JAK1: variants seen among roughly 807,000 people sequenced by gnomAD.
JAK1 encodes the protein Janus kinase 1, also known as tyrosine-protein kinase JAK1.
JAK1 carries 16 observed loss-of-function variants against 136.6 expected under a neutral mutation model. The ratio of observed to expected loss-of-function variants is 0.12; its 90% confidence interval spans 0.08 to 0.18. The LOEUF is 0.18. Ranked by LOEUF, JAK1 falls within the 10% of genes least tolerant of loss-of-function variation. The pLI, the probability that JAK1 is intolerant of heterozygous loss-of-function variation, is 1.00. For synonymous variants in JAK1, 492 were observed against 519.5 expected, an observed-to-expected ratio of 0.95 and a Z score of 0.72; for missense variants, 859 against 1,450.1, an observed-to-expected ratio of 0.59 and a Z score of 6.62.
In JAK1 at chr1:64,977,453, T is replaced by C. The variant is rs573016394; in HGVS notation, c.-78+67027A>G. 2.1e-5 allele frequency among the ~76,000 whole-genome samples: 3 copies of C among 141,738 alleles called. No homozygotes were observed. In the South Asian group the frequency reaches 6.5e-4, roughly 31 times the overall value. The allele number at this position is 141,738 out of a possible 152,430, so 93.0% of individuals were successfully genotyped here. Reference sequence around the variant, plus strand: ...AGGCATGAGCCACTGCACCCAGCCATCTTTTTTTTTTTTTTTAGATGGAGT... The same window carrying C: ...AGGCATGAGCCACTGCACCCAGCCACCTTTTTTTTTTTTTTTAGATGGAGT... On this transcript the variant is annotated intron_variant, in intron 2 of 25. Transcript: ENST00000671954.
intron 1 of JAK1, among the ~76,000 whole-genome samples, chr1:64,888,625 C>A (rs1202096730): frequency 1.3e-5 from 2 of 152,140 alleles, no homozygotes; most frequent in African/African-American, 2.4e-5. Context: ...TCTACAAAAA[C>A]CAGTAATCAA....
intron 1 of JAK1, among the ~76,000 whole-genome samples, chr1:64,940,655 A>C (rs1351911315): frequency 5.3e-5 from 8 of 152,176 alleles, no homozygotes; most frequent in Non-Finnish European, 1.5e-5. Flanking sequence ...AATGAGGTTA[A>C]GACGGGTTTA....
chr1:65,037,002 A>G (rs1647080560), intron 2 of JAK1, among the ~76,000 whole-genome samples: 1 of 152,186 alleles, frequency 6.6e-6, no homozygotes. Flanking sequence ...CCTGGTTAAC[A>G]TTGCAAGACC....
At chr1:64,923,882 T>C (rs1415507564) in intron 1 of JAK1, among the ~76,000 whole-genome samples, 2 of 152,164 alleles carry the variant, frequency 1.3e-5, no homozygotes, top group Non-Finnish European at 1.5e-5. Flanking sequence ...GCTCTCCCTT[T>C]ACTACCCTGA....
chr1:64,947,693 G>A (rs1557716022), intron 1 of JAK1, among the ~76,000 whole-genome samples: 1 of 151,580 alleles, frequency 6.6e-6, no homozygotes, highest in African/African-American at 2.4e-5. Flanking sequence ...TGAACAACAG[G>A]TCCCTGAACA....
At chr1:65,030,645 G>C (rs993566161) in intron 2 of JAK1, among the ~76,000 whole-genome samples, 1 of 151,838 alleles carries the variant, frequency 6.6e-6, no homozygotes, top group African/African-American at 2.4e-5. Flanking sequence ...TGATTCTCCT[G>C]CCTCAGCCTC....
In JAK1 at chr1:64,838,082, C is replaced by T. The variant is rs1427072320; in HGVS notation, c.2990G>A (p.Arg997Gln). 4.3e-6 allele frequency: 7 copies of T among 1,613,864 alleles called. No homozygotes were observed. The highest frequency in any genetic ancestry group is 1.3e-5 in the African/African-American group (1 of 74,888). The change falls in exon 22 of 25, where the codon CGG (arginine) becomes CAG (glutamine). Residue 997 changes from arginine to glutamine, a missense_variant. Arg to Gln is a conservative substitution (Grantham distance 43, BLOSUM62 1). Transcript: ENST00000342505. The part of the protein sequence containing the change: ...ICKGMDYLGS[R>Q]QYVHRDLAAR... ...TGCCAAGTCCCGGTGAACGTATTGC[C>T]GAGAACCCAAATAGTCCATCCCCTG...
At chr1:64,860,412 TTGCA>T (rs200014012) in intron 8 of JAK1, 150 bp from the exon 9 acceptor site, 40,087 of 221,686 alleles carry the variant, frequency 0.18, 5,048 homozygotes, top group African/African-American at 0.38. Context: ...AATATACCCC[TTGCA>T]TGCATTTATT....
intron 2 of JAK1, chr1:64,985,263 A>T (rs1317079578): frequency 2.5e-6 from 4 of 1,607,618 alleles, no homozygotes; most frequent in Non-Finnish European, 3.4e-6. Context: ...CTGCTGAGAG[A>T]GCTGGAGCAT....
At chr1:65,044,427 G>A (rs950372167) in intron 2 of JAK1, among the ~76,000 whole-genome samples, 16 of 152,202 alleles carry the variant, frequency 1.1e-4, no homozygotes, top group Admixed American at 1.0e-3. Flanking sequence ...AGTAAATGAA[G>A]TTGCAAGTTT....
intron 2 of JAK1, among the ~76,000 whole-genome samples, chr1:64,883,949 A>T (rs1344356773): frequency 6.6e-6 from 1 of 152,056 alleles, no homozygotes; most frequent in Non-Finnish European, 1.5e-5. Flanking sequence ...TCCATCTCCC[A>T]CTAAAAAGCA....
rs545791885 is a variant in JAK1 at position 64,844,629 on chromosome 1, C to T, written c.2251+125G>A. 149 of 1,116,374 alleles carry T rather than the reference C, an allele frequency of 1.3e-4. No homozygotes were observed. In the Admixed American group the frequency reaches 1.7e-3, roughly 13 times the overall value. The allele number at this position is 1,116,374 out of a possible 1,614,324, so 69.2% of individuals were successfully genotyped here. On this transcript the variant is annotated intron_variant, in intron 16 of 24. Transcript: ENST00000342505. The surrounding 1 kb of genome is among the most constrained non-coding windows in gnomAD (Gnocchi z 5.7). ...CATCCTGGCCAACATGGTGAAACCCCGTCTCTACTAAAATACAAAAAAAAA... is the reference window on the plus strand; with the variant it reads ...CATCCTGGCCAACATGGTGAAACCCTGTCTCTACTAAAATACAAAAAAAAA...
At position 64,886,751 on chromosome 1, in the gene JAK1, T is replaced by TACACACAC. The variant is rs3838404; in HGVS notation, c.-77-418_-77-411dup. The stretch of plus-strand genomic sequence containing the variant: ...AGAATTACCCCGCCCCAACCTTGTC[T>TACACACAC]ACACACACACACACACACACACACA... On this transcript the variant is annotated intron_variant, in intron 1 of 24. Coordinates refer to ENST00000342505, the MANE Select transcript of JAK1 (RefSeq NM_002227.4). 6.6e-3 allele frequency among the ~76,000 whole-genome samples: 915 copies of TACACACAC among 138,928 alleles called. 5 individuals are homozygous for TACACACAC. Among genetic ancestry groups the TACACACAC allele is most frequent in the Middle Eastern group, 0.021 (6 of 282 alleles). The allele number at this position is 138,928 out of a possible 152,430, so 91.1% of individuals were successfully genotyped here.
intron 1 of JAK1, among the ~76,000 whole-genome samples, chr1:64,889,979 T>C (rs962791108): frequency 6.6e-6 from 1 of 152,222 alleles, no homozygotes; most frequent in African/African-American, 2.4e-5. Context: ...ACACCTACAA[T>C]GAATTACTTT....
intron 1 of JAK1, among the ~76,000 whole-genome samples, chr1:65,058,099 C>T (rs1338959601): frequency 1.3e-5 from 2 of 152,102 alleles, no homozygotes; most frequent in Non-Finnish European, 2.9e-5. Flanking sequence ...CCAAGCTGTT[C>T]TAATTAGGTT....
At chr1:64,865,023 A>G (rs561253036) in intron 7 of JAK1, 51 bp from the exon 8 acceptor site, 11 of 1,477,246 alleles carry the variant, frequency 7.4e-6, no homozygotes, top group Non-Finnish European at 9.3e-6. Context: ...TTCATTTTCT[A>G]TTGGTAAAAG....
chr1:64,971,171 C>T (rs1204494076), upstream of JAK1, among the ~76,000 whole-genome samples: 1 of 152,168 alleles, frequency 6.6e-6, no homozygotes, highest in Non-Finnish European at 1.5e-5. Flanking sequence ...ATCTTGCAAA[C>T]CTGATATAAA....
intron 2 of JAK1, among the ~76,000 whole-genome samples, chr1:65,027,654 G>A (rs1470334959): frequency 6.6e-6 from 1 of 152,154 alleles, no homozygotes; most frequent in Non-Finnish European, 1.5e-5. Flanking sequence ...AGAAGGGTAA[G>A]GAAGGATGAT....
At chr1:64,874,008 G>C (rs755905239) in intron 4 of JAK1, among the ~76,000 whole-genome samples, 2 of 152,174 alleles carry the variant, frequency 1.3e-5, no homozygotes, top group Non-Finnish European at 2.9e-5. Flanking sequence ...CTATTCAACT[G>C]ATGGTGTATC....
Sources: allele counts gnomAD v4.1 joint callset (sites outside exome capture counted in the v4.1 genomes callset), GRCh38; gene constraint gnomAD v4.1.1; non-coding constraint Gnocchi (gnomAD v3.1); transcripts MANE v1.5; gene names NCBI Gene and HGNC (gene_info 2026-07-23, HGNC 2026-07-21).